The following TPPP3 variants were observed in gnomAD, a reference collection of about 807,000 sequenced individuals.
The protein encoded by TPPP3 is tubulin polymerization promoting protein family member 3.
Under a neutral mutation model 13.1 loss-of-function variants are expected in TPPP3, and 7 were observed. That is an observed-to-expected ratio of 0.54 (90% CI 0.30 to 1.01). The LOEUF (loss-of-function observed/expected upper bound fraction) is 1.01. Ranked by LOEUF, TPPP3 falls within the 50% of genes least tolerant of loss-of-function variation. TPPP3 has a pLI of 0.06. For synonymous variants in TPPP3, 87 were observed against 93.7 expected, an observed-to-expected ratio of 0.93 and a Z score of 0.41; for missense variants, 185 against 235.0, an observed-to-expected ratio of 0.79 and a Z score of 1.39.
Position 67,392,688 on chromosome 16 carries a change from C to T in TPPP3, c.-7+692G>A, listed in dbSNP as rs1007919776. 6.6e-6 allele frequency among the ~76,000 whole-genome samples: 1 copy of T among 152,178 alleles called. No homozygotes were observed. Among genetic ancestry groups the T allele is most frequent in the African/African-American group, 2.4e-5 (1 of 41,414 alleles). On this transcript the variant is annotated intron_variant, in intron 1 of 3. Coordinates refer to ENST00000393957, the MANE Select transcript of TPPP3 (RefSeq NM_015964.4). The surrounding 1 kb of genome is among the most constrained non-coding windows in gnomAD (Gnocchi z 4.9). The stretch of plus-strand genomic sequence containing the variant: ...CTCCACTGCCACCTCCTGACCACAC[C>T]CTCGGTCTCAGCAACCATCTTCTAG...
chr16:67,390,101 C>T lies in TPPP3; in HGVS notation c.*73G>A. The T allele has an allele frequency of 1.3e-6, 2 of 1,497,454 alleles. No homozygotes were observed. The highest frequency in any genetic ancestry group is 1.8e-6 in the Non-Finnish European group (2 of 1,098,412). 92.8% of individuals were successfully genotyped at this position (1,497,454 alleles called of 1,614,324 possible). ...GGGAGGGGACCAGGATCTCTTGCTC[C>T]ACGTGCCCCTTAGACCCAGGCCTGA... On this transcript the variant is annotated 3_prime_UTR_variant, in exon 4 of 4. Coordinates refer to ENST00000393957, the MANE Select transcript of TPPP3 (RefSeq NM_015964.4). This position sits in a 1 kb window ranked among gnomAD's most constrained non-coding sequence, Gnocchi z 6.4.
Position 67,393,315 on chromosome 16 carries a change from C to A in TPPP3, c.-7+65G>T, listed in dbSNP as rs1008437552. The A allele has an allele frequency of 4.1e-5, 40 of 985,048 alleles. No homozygotes were observed. Among genetic ancestry groups the A allele is most frequent in the African/African-American group, 1.9e-4 (11 of 57,240 alleles). 61.0% of individuals were successfully genotyped at this position (985,048 alleles called of 1,614,324 possible). Reference sequence around the variant, plus strand: ...TGGGACCCTTTCCAGGCTGCTCCCCCCAACCCTCATCGTGCAGGATACTGA... The same window carrying A: ...TGGGACCCTTTCCAGGCTGCTCCCCACAACCCTCATCGTGCAGGATACTGA... On this transcript the variant is annotated intron_variant, in intron 1 of 3. Coordinates refer to ENST00000393957, the MANE Select transcript of TPPP3 (RefSeq NM_015964.4). The surrounding 1 kb of genome is among the most constrained non-coding windows in gnomAD (Gnocchi z 5.4).
At position 67,390,309 on chromosome 16, in the gene TPPP3, C is replaced by A; in HGVS notation, c.396G>T (p.Thr132=). The change falls in exon 4 of 4, where the codon ACG becomes ACT. Residue 132 remains threonine (T), a synonymous_variant. Transcript: ENST00000393957. The surrounding 1 kb of genome is among the most constrained non-coding windows in gnomAD (Gnocchi z 6.4). ...VDRLTDTSRY[T]GSHKERFDES... is the part of the protein sequence containing the mutation. Reference sequence around the variant, plus strand: ...CATCGAAGCGCTCCTTGTGGGAGCCCGTGTATCTGCTGGTGTCCGTCAGCC... The same window carrying A: ...CATCGAAGCGCTCCTTGTGGGAGCCAGTGTATCTGCTGGTGTCCGTCAGCC... 1 of 1,614,212 alleles carries A rather than the reference C, an allele frequency of 6.2e-7. No individual in the cohort carries two copies. Among genetic ancestry groups the A allele is most frequent in the East Asian group, 2.2e-5 (1 of 44,880 alleles).
chr16:67,390,433 C>A lies in TPPP3; in HGVS notation c.342+46G>T. On this transcript the variant is annotated intron_variant, in intron 3 of 3. Coordinates refer to ENST00000393957, the MANE Select transcript of TPPP3 (RefSeq NM_015964.4). This position sits in a 1 kb window ranked among gnomAD's most constrained non-coding sequence, Gnocchi z 6.4. ...GCCCTTCCCACCCACAGCCACGATTCCCCACACCCCATTCCGTGGCCACCC... is the reference window on the plus strand; with the variant it reads ...GCCCTTCCCACCCACAGCCACGATTACCCACACCCCATTCCGTGGCCACCC... The A allele has an allele frequency of 6.2e-7, 1 of 1,607,702 alleles. No homozygotes were observed. The highest frequency in any genetic ancestry group is 8.5e-7 in the Non-Finnish European group (1 of 1,175,668).
Position 67,393,433 on chromosome 16 carries a change from G to A in TPPP3, c.-60C>T. 1.0e-6 allele frequency: 1 copy of A among 985,612 alleles called. No individual in the cohort carries two copies. The highest frequency in any genetic ancestry group is 1.2e-6 in the Non-Finnish European group (1 of 830,058). 61.1% of individuals were successfully genotyped at this position (985,612 alleles called of 1,614,324 possible). A position where few individuals can be genotyped will look rare whatever the true frequency, so the allele number is the denominator to read the frequency against. On this transcript the variant is annotated 5_prime_UTR_variant, in exon 1 of 4. Coordinates refer to ENST00000393957, the MANE Select transcript of TPPP3 (RefSeq NM_015964.4). The surrounding 1 kb of genome is among the most constrained non-coding windows in gnomAD (Gnocchi z 5.4). The stretch of plus-strand genomic sequence containing the variant: ...GGAAGGACAGAACGACGCAGGAATG[G>A]ACCGATGGACGCGGGAGACCAGGCG...
In TPPP3 at chr16:67,389,871, G is replaced by A. The variant is rs912906157; in HGVS notation, c.*303C>T. On this transcript the variant is annotated 3_prime_UTR_variant, in exon 4 of 4. Transcript: ENST00000393957. ...AATTAGGCACTTGGCCAGAGCAGCA[G>A]CTTAAATATGAGGCAAGCAGTCAGG... 9.5e-5 allele frequency: 38 copies of A among 401,128 alleles called. No individual in the cohort carries two copies. In the East Asian group the frequency reaches 1.5e-3, roughly 16 times the overall value. 24.8% of individuals were successfully genotyped at this position (401,128 alleles called of 1,614,324 possible).
In TPPP3 at chr16:67,391,968, G is replaced by C. The variant is rs1323712518; in HGVS notation, c.-6-851C>G. 1.3e-5 allele frequency: 2 copies of C among 152,802 alleles called. No individual in the cohort carries two copies. The highest frequency in any genetic ancestry group is 4.8e-5 in the African/African-American group (2 of 41,380). 9.5% of individuals were successfully genotyped at this position (152,802 alleles called of 1,614,324 possible). A position where few individuals can be genotyped will look rare whatever the true frequency, so the allele number is the denominator to read the frequency against. On this transcript the variant is annotated intron_variant, in intron 1 of 3. Coordinates refer to ENST00000393957, the MANE Select transcript of TPPP3 (RefSeq NM_015964.4). The surrounding 1 kb of genome is among the most constrained non-coding windows in gnomAD (Gnocchi z 6.3). The stretch of plus-strand genomic sequence containing the variant: ...AACCTCCCACTGTGGAGTTTTGGGG[G>C]AGCAGGAGGTTGGGGGCTAGTAGCG...
At position 67,390,253 on chromosome 16, in the gene TPPP3, C is replaced by G. The variant is rs761427198; in HGVS notation, c.452G>C (p.Arg151Pro). 46 of 1,614,116 alleles carry G rather than the reference C, an allele frequency of 2.8e-5. No homozygotes were observed. The highest frequency in any genetic ancestry group is 3.5e-5 in the Non-Finnish European group (41 of 1,180,052). ...ESGKGKGIAG[R>P]QDILDDSGYV... ...GCCACTGTCGTCCAGGATGTCCTGC[C>G]GTCCCGCAATGCCCTTGCCCTTGCC... Residue 151 changes from arginine to proline, a missense_variant, in exon 4 of 4, where the codon CGG becomes CCG. By Grantham distance (103) the Arg-to-Pro change is moderately radical. Transcript: ENST00000393957. This position sits in a 1 kb window ranked among gnomAD's most constrained non-coding sequence, Gnocchi z 6.4.
At position 67,391,000 on chromosome 16, in the gene TPPP3, GCT is replaced by G; in HGVS notation, c.110_111del (p.Lys37ThrfsTer9). ...GQEMNGKNWA[K>X]LCKDCKVADG... ...TCAGCCACCTTGCAGTCCTTGCACA[GCT>G]TGGCCCAGTTCTTGCCATTCATCTC... is the stretch of plus-strand genomic sequence containing the variant. On this transcript the variant is annotated frameshift_variant, in exon 2 of 4. Transcript: ENST00000393957. LOFTEE classifies it high-confidence loss of function. This position sits in a 1 kb window ranked among gnomAD's most constrained non-coding sequence, Gnocchi z 6.4. 6.2e-7 allele frequency: 1 copy of G among 1,614,252 alleles called. No homozygotes were observed. The highest frequency in any genetic ancestry group is 8.5e-7 in the Non-Finnish European group (1 of 1,180,040).
At position 67,390,550 on chromosome 16, in the gene TPPP3, T is replaced by C. The variant is rs774928974; in HGVS notation, c.271A>G (p.Ser91Gly). The change falls in exon 3 of 4, where the codon AGC becomes GGC. Residue 91 changes from serine (S) to glycine (G), a missense_variant. By Grantham distance (56) the Ser-to-Gly change is moderately conservative. Coordinates refer to ENST00000393957, the MANE Select transcript of TPPP3 (RefSeq NM_015964.4). This position sits in a 1 kb window ranked among gnomAD's most constrained non-coding sequence, Gnocchi z 6.4. ...ELATKRFKGK[S>G]KEEAFDAICQ... ...ATGGCATCGAAGGCCTCCTCCTTGC[T>C]CTTCCCCTTGAATCTCTTGGTCGCC... 1.2e-6 allele frequency: 2 copies of C among 1,613,902 alleles called. No homozygotes were observed. The highest frequency in any genetic ancestry group is 1.7e-6 in the Non-Finnish European group (2 of 1,180,030).
In TPPP3 at chr16:67,392,131, G is replaced by C. The variant is rs1057402618; in HGVS notation, c.-6-1014C>G. Among the ~76,000 whole-genome samples, 1 of 150,016 alleles carries C rather than the reference G, an allele frequency of 6.7e-6. No homozygotes were observed. The highest frequency in any genetic ancestry group is 2.5e-5 in the African/African-American group (1 of 40,546). ...GGCCACACCAGCCCACATTCCCAGC[G>C]ACCCTGTGCACTCAGCCCTGGCCTG... is the stretch of plus-strand genomic sequence containing the variant. On this transcript the variant is annotated intron_variant, in intron 1 of 3. Coordinates refer to ENST00000393957, the MANE Select transcript of TPPP3 (RefSeq NM_015964.4). The surrounding 1 kb of genome is among the most constrained non-coding windows in gnomAD (Gnocchi z 4.9).
chr16:67,390,065 C>T lies in TPPP3; in HGVS notation c.*109G>A. The stretch of plus-strand genomic sequence containing the variant: ...GGACTAGGCAGGAAGCTCTGGGTGG[C>T]AGGTCCAGCAGGGAGGGGACCAGGA... On this transcript the variant is annotated 3_prime_UTR_variant, in exon 4 of 4. Coordinates refer to ENST00000393957, the MANE Select transcript of TPPP3 (RefSeq NM_015964.4). The surrounding 1 kb of genome is among the most constrained non-coding windows in gnomAD (Gnocchi z 6.4). The T allele has an allele frequency of 1.6e-6, 2 of 1,220,662 alleles. No homozygotes were observed. Among genetic ancestry groups the T allele is most frequent in the Non-Finnish European group, 1.1e-6 (1 of 883,380 alleles). 75.6% of individuals were successfully genotyped at this position (1,220,662 alleles called of 1,614,324 possible). A position where few individuals can be genotyped will look rare whatever the true frequency, so the allele number is the denominator to read the frequency against.
rs963354083 is a variant in TPPP3 at position 67,390,736 on chromosome 16, T to C, written c.189-104A>G. On this transcript the variant is annotated intron_variant, in intron 2 of 3. Transcript: ENST00000393957. The surrounding 1 kb of genome is among the most constrained non-coding windows in gnomAD (Gnocchi z 6.4). ...ACCACAAATTATGCAATTGCGTTTC[T>C]TTCCCACGTTTGGGGAAGTCGCAGG... 16 of 1,512,180 alleles carry C rather than the reference T, an allele frequency of 1.1e-5. No individual in the cohort carries two copies. The highest frequency in any genetic ancestry group is 1.4e-5 in the Non-Finnish European group (16 of 1,131,732). The allele number at this position is 1,512,180 out of a possible 1,614,324, so 93.7% of individuals were successfully genotyped here.
chr16:67,393,211 A>G lies in TPPP3; in HGVS notation c.-7+169T>C. On this transcript the variant is annotated intron_variant, in intron 1 of 3. Coordinates refer to ENST00000393957, the MANE Select transcript of TPPP3 (RefSeq NM_015964.4). This position sits in a 1 kb window ranked among gnomAD's most constrained non-coding sequence, Gnocchi z 5.4. ...GGAGTCATCAATCAGCCGGACCAGGAGGTGGGGGCTGCGAGGTGGAATGCT... is the reference window on the plus strand; with the variant it reads ...GGAGTCATCAATCAGCCGGACCAGGGGGTGGGGGCTGCGAGGTGGAATGCT... 3 of 673,554 alleles carry G rather than the reference A, an allele frequency of 4.5e-6. No homozygotes were observed. The highest frequency in any genetic ancestry group is 5.5e-6 in the Non-Finnish European group (3 of 545,032). The allele number at this position is 673,554 out of a possible 1,614,324, so 41.7% of individuals were successfully genotyped here. A position where few individuals can be genotyped will look rare whatever the true frequency, so the allele number is the denominator to read the frequency against.
chr16:67,391,163 C>T lies in TPPP3; in HGVS notation c.-6-46G>A, dbSNP rs747539357. ...CATCTCCCAGCCAATCTGCCCTTCC[C>T]CTCCCCCAAGCCCAGAACATCCCAG... On this transcript the variant is annotated intron_variant, in intron 1 of 3. Transcript: ENST00000393957. The surrounding 1 kb of genome is among the most constrained non-coding windows in gnomAD (Gnocchi z 6.3). The T allele has an allele frequency of 1.3e-6, 2 of 1,586,148 alleles. No individual in the cohort carries two copies. Among genetic ancestry groups the T allele is most frequent in the South Asian group, 2.3e-5 (2 of 88,444 alleles).
chr16:67,393,264 G>T lies in TPPP3; in HGVS notation c.-7+116C>A. On this transcript the variant is annotated intron_variant, in intron 1 of 3. Transcript: ENST00000393957. The surrounding 1 kb of genome is among the most constrained non-coding windows in gnomAD (Gnocchi z 5.4). The stretch of plus-strand genomic sequence containing the variant: ...GGGCCAGGGCAGGGCCGCTCAGCTG[G>T]CTCCTCGGCTGGGACCGCCGGAGGT... The T allele has an allele frequency of 1.1e-6, 1 of 924,442 alleles. No individual in the cohort carries two copies. The highest frequency in any genetic ancestry group is 1.3e-6 in the Non-Finnish European group (1 of 774,380). 57.3% of individuals were successfully genotyped at this position (924,442 alleles called of 1,614,324 possible). A position where few individuals can be genotyped will look rare whatever the true frequency, so the allele number is the denominator to read the frequency against.
chr16:67,390,332 G>A lies in TPPP3; in HGVS notation c.373C>T (p.Leu125=). Residue 125 remains leucine, a synonymous_variant, in exon 4 of 4, where the codon CTG becomes TTG. Coordinates refer to ENST00000393957, the MANE Select transcript of TPPP3 (RefSeq NM_015964.4). This position sits in a 1 kb window ranked among gnomAD's most constrained non-coding sequence, Gnocchi z 6.4. ...CCCGTGTATCTGCTGGTGTCCGTCA[G>A]CCGGTCTACAGCACCCCCTGTTTTT... ...KAKTGGAVDR[L]TDTSRYTGSH... The A allele has an allele frequency of 6.2e-7, 1 of 1,614,178 alleles. No homozygotes were observed. Among genetic ancestry groups the A allele is most frequent in the African/African-American group, 1.3e-5 (1 of 75,058 alleles).
At position 67,390,872 on chromosome 16, in the gene TPPP3, C is replaced by T. The variant is rs1425103756; in HGVS notation, c.188+52G>A. 1.3e-6 allele frequency: 2 copies of T among 1,579,258 alleles called. No individual in the cohort carries two copies. Among genetic ancestry groups the T allele is most frequent in the Non-Finnish European group, 1.7e-6 (2 of 1,157,796 alleles). On this transcript the variant is annotated intron_variant, in intron 2 of 3. Transcript: ENST00000393957. The surrounding 1 kb of genome is among the most constrained non-coding windows in gnomAD (Gnocchi z 6.4). ...TGATGTCCTCCCTGGTTCCAGCCCC[C>T]CAGTTCCCCACCTCCTGGGAACATG...
Position 67,390,135 on chromosome 16 carries a change from C to T in TPPP3, c.*39G>A. On this transcript the variant is annotated 3_prime_UTR_variant, in exon 4 of 4. Coordinates refer to ENST00000393957, the MANE Select transcript of TPPP3 (RefSeq NM_015964.4). The surrounding 1 kb of genome is among the most constrained non-coding windows in gnomAD (Gnocchi z 6.4). The stretch of plus-strand genomic sequence containing the variant: ...CTTAGACCCAGGCCTGAGCCTCTGG[C>T]AGGGGCAGCCGCACTTGGCAGGGCG... 1.9e-6 allele frequency: 3 copies of T among 1,598,572 alleles called. No individual in the cohort carries two copies. Among genetic ancestry groups the T allele is most frequent in the Non-Finnish European group, 2.6e-6 (3 of 1,169,562 alleles).
Sources: allele counts gnomAD v4.1 joint callset (sites outside exome capture counted in the v4.1 genomes callset), GRCh38; gene constraint gnomAD v4.1.1; non-coding constraint Gnocchi (gnomAD v3.1); transcripts MANE v1.5; gene names NCBI Gene and HGNC (gene_info 2026-07-23, HGNC 2026-07-21).